Variants in PCDHA7 observed in about 807,000 individuals in gnomAD.
The protein encoded by PCDHA7 is protocadherin alpha 7, also known as protocadherin alpha-7.
Under a neutral mutation model 57.2 loss-of-function variants are expected in PCDHA7, and 37 were observed. The observed-to-expected ratio is 0.65, with a 90% CI of 0.50 to 0.85. The LOEUF (loss-of-function observed/expected upper bound fraction) is 0.85, where lower values mean the gene tolerates loss of function less well. PCDHA7 is among the 40% of genes least tolerant of loss of function. PCDHA7 has a pLI of 0.00. For missense variants in PCDHA7, 1,188 were observed against 1,241.8 expected (o/e 0.96, Z 0.65); for synonymous variants, 553 against 558.8 (o/e 0.99, Z 0.15).
chr5:140,883,643 G>A (rs1182808577), intron 1 of PCDHA7: 2 of 1,613,822 alleles, frequency 1.2e-6, no homozygotes, highest in Non-Finnish European at 1.7e-6. Context: ...CGCGCAGCCC[G>A]AGTACACGGT....
At chr5:140,857,283 T>C in intron 1 of PCDHA7, 1 of 1,598,740 alleles carries the variant, frequency 6.3e-7, no homozygotes, top group Non-Finnish European at 8.6e-7. Context: ...GACAGCGCTC[T>C]GGACCGCGAG....
chr5:140,871,823 C>T (rs900166925), intron 1 of PCDHA7, among the ~76,000 whole-genome samples: 1 of 152,144 alleles, frequency 6.6e-6, no homozygotes, highest in African/African-American at 2.4e-5. Context: ...TACCCATGCC[C>T]CTTCATCTCT....
rs1383347742 is a variant in PCDHA7, at chr5:140,943,271, AAAAAAAG to A, written c.2356-35674_2356-35668del. ...AGACTCTGTCTCAAAAAAAAAAAAA[AAAAAAAG>A]AAAGAAAGAATTAAATTTTGGGAAG... On this transcript the variant is annotated intron_variant, in intron 1 of 3. Transcript: ENST00000525929. Among the ~76,000 whole-genome samples, 73 of 150,734 alleles carry A rather than the reference AAAAAAAG, an allele frequency of 4.8e-4. 1 individual carries two copies. The highest frequency in any genetic ancestry group is 1.6e-3 in the African/African-American group (65 of 40,848).
At chr5:140,899,403 G>A (rs1458189120) in intron 1 of PCDHA7, among the ~76,000 whole-genome samples, 6 of 152,230 alleles carry the variant, frequency 3.9e-5, no homozygotes, top group Admixed American at 1.3e-4. Context: ...AGCATGAAGG[G>A]TTGTTGAATT....
intron 1 of PCDHA7, chr5:140,883,811 G>A: frequency 6.2e-7 from 1 of 1,612,586 alleles, no homozygotes; most frequent in African/African-American, 1.3e-5. Context: ...CGCGGAGAGC[G>A]GCAAGGTGTA....
At chr5:140,924,901 A>AAAAATAAAAT (rs10667761) in intron 1 of PCDHA7, among the ~76,000 whole-genome samples, 205 of 80,488 alleles carry the variant, frequency 2.5e-3, no homozygotes, top group South Asian at 0.019. Flanking sequence ...TCTCAAAAAA[A>AAAAATAAAAT]AAAATAAAAT....
intron 2 of PCDHA7, among the ~76,000 whole-genome samples, chr5:140,981,563 G>A (rs2096938689): frequency 6.6e-6 from 1 of 152,110 alleles, no homozygotes; most frequent in African/African-American, 2.4e-5. Flanking sequence ...GACAGAGTGA[G>A]GCTTTGTCTC....
chr5:140,884,762 A>C, intron 1 of PCDHA7: 1 of 1,423,132 alleles, frequency 7.0e-7, no homozygotes, highest in Non-Finnish European at 9.2e-7. Flanking sequence ...ATTATTCTTT[A>C]CTTTAATTTT....
chr5:140,975,527 A>G (rs782267941), intron 1 of PCDHA7, among the ~76,000 whole-genome samples: 2 of 152,220 alleles, frequency 1.3e-5, no homozygotes, highest in Non-Finnish European at 2.9e-5. Context: ...CAGTGGATAT[A>G]TTCTTAATAC....
At chr5:141,008,582 G>A (rs1554261823) in intron 3 of PCDHA7, among the ~76,000 whole-genome samples, 1 of 152,130 alleles carries the variant, frequency 6.6e-6, no homozygotes. Context: ...CCAAGACTCA[G>A]GGCAGATTTC....
intron 1 of PCDHA7, chr5:140,857,748 C>T: frequency 6.3e-7 from 1 of 1,597,386 alleles, no homozygotes; most frequent in Middle Eastern, 1.8e-4. Flanking sequence ...CTGCTGGCGT[C>T]TCCCGCTGGC....
chr5:140,876,792 A>G (rs782210017), intron 1 of PCDHA7: 98 of 1,613,998 alleles, frequency 6.1e-5, no homozygotes, highest in Non-Finnish European at 7.5e-5. Flanking sequence ...CCACGGCTAG[A>G]GTGTCCGTGG....
At chr5:140,989,620 C>T (rs1197614071) in intron 3 of PCDHA7, among the ~76,000 whole-genome samples, 1 of 152,168 alleles carries the variant, frequency 6.6e-6, no homozygotes, top group African/African-American at 2.4e-5. Context: ...GAAAGTCTGT[C>T]CTAGTGACAG....
At chr5:140,956,132 C>A (rs782171826) in intron 1 of PCDHA7, among the ~76,000 whole-genome samples, 1 of 152,028 alleles carries the variant, frequency 6.6e-6, no homozygotes, top group African/African-American at 2.4e-5. Context: ...ATTTGAATAC[C>A]CTTTATTTCT....
At chr5:140,866,880 C>T (rs1270572722) in intron 1 of PCDHA7, 2 of 152,032 alleles carry the variant, frequency 1.3e-5, no homozygotes, top group Non-Finnish European at 2.9e-5. Context: ...TTGGTATTAG[C>T]CTATACCCAG....
chr5:140,866,372 AT>A (rs1191186521), intron 1 of PCDHA7: 2 of 152,168 alleles, frequency 1.3e-5, no homozygotes, highest in East Asian at 3.8e-4. Context: ...GCATACTTCA[AT>A]AACAATTTTA....
At chr5:140,921,832 A>G (rs1276240870) in intron 1 of PCDHA7, among the ~76,000 whole-genome samples, 1 of 152,120 alleles carries the variant, frequency 6.6e-6, no homozygotes, top group African/African-American at 2.4e-5. Flanking sequence ...CTATACACAT[A>G]TAGACATATT....
In PCDHA7 at chr5:140,834,624, A is replaced by C. The variant is rs2150222938; in HGVS notation, c.241A>C (p.Asn81His). Residue 81 changes from asparagine to histidine, a missense_variant, in exon 1 of 4, where the codon AAT (asparagine) becomes CAT (histidine). Physicochemically the swap from Asn to His is moderately conservative, Grantham distance 68. Coordinates refer to ENST00000525929, the MANE Select transcript of PCDHA7 (RefSeq NM_018910.3). ...GGATCTTCTGGAGGTAAATCTGCAG[A>C]ATGGCATTTTGTTTGTGAATTCTCG... ...RGDLLEVNLQ[N>H]GILFVNSRID... is the part of the protein sequence containing the mutation. 3.7e-6 allele frequency: 6 copies of C among 1,614,104 alleles called. No individual in the cohort carries two copies. The South Asian group carries it at 6.6e-5, about 18-fold the overall frequency.
At chr5:140,875,735 C>T in intron 1 of PCDHA7, 1 of 1,614,232 alleles carries the variant, frequency 6.2e-7, no homozygotes. Context: ...TTTGTGAATT[C>T]TCGGATCGAC....
Sources: allele counts gnomAD v4.1 joint callset (sites outside exome capture counted in the v4.1 genomes callset), GRCh38; gene constraint gnomAD v4.1.1; transcripts MANE v1.5; gene names NCBI Gene and HGNC (gene_info 2026-07-23, HGNC 2026-07-21).